Variants in EBF2 observed in about 807,000 individuals in gnomAD.
EBF2 encodes the protein transcription factor COE2.
In EBF2, 21 loss-of-function variants were observed where a neutral mutation model predicts 72.8. The observed-to-expected ratio is 0.29, with a 90% CI of 0.20 to 0.42. EBF2 has a LOEUF of 0.42. EBF2 is among the 10% of genes least tolerant of loss of function. The pLI, the probability that EBF2 is intolerant of heterozygous loss-of-function variation, is 1.00. For synonymous variants in EBF2, 299 were observed against 274.2 expected, an observed-to-expected ratio of 1.09 and a Z score of -0.89; for missense variants, 637 against 731.2, an observed-to-expected ratio of 0.87 and a Z score of 1.49.
intron 6 of EBF2, among the ~76,000 whole-genome samples, chr8:25,999,638 C>CTTTTTTTTTTT (rs201122059): frequency 7.0e-6 from 1 of 142,882 alleles, no homozygotes; most frequent in Non-Finnish European, 1.5e-5. Context: ...TGTCTTTCCT[C>CTTTTTTTTTTT]TTTTTTTTTT....
Position 25,844,459 on chromosome 8 carries a change from C to G in EBF2, c.*150G>C. Reference sequence around the variant, plus strand: ...ATCAGAGCTATAGGAGGACGTGGGACCAAGTAAGATGCTGGCTCCTTGCAG... The same window carrying G: ...ATCAGAGCTATAGGAGGACGTGGGAGCAAGTAAGATGCTGGCTCCTTGCAG... On this transcript the variant is annotated 3_prime_UTR_variant, in exon 16 of 16. Transcript: ENST00000520164. 1.3e-6 allele frequency: 1 copy of G among 793,252 alleles called. No individual in the cohort carries two copies. The highest frequency in any genetic ancestry group is 2.1e-6 in the Non-Finnish European group (1 of 480,536). 49.1% of individuals were successfully genotyped at this position (793,252 alleles called of 1,614,324 possible).
At chr8:25,911,006 T>C (rs1402976760) in intron 6 of EBF2, among the ~76,000 whole-genome samples, 1 of 152,170 alleles carries the variant, frequency 6.6e-6, no homozygotes, top group Admixed American at 6.6e-5. Flanking sequence ...CCATTTTTTT[T>C]TCCTCTTACT....
intron 15 of EBF2, 87 bp downstream of exon 15, chr8:25,850,507 C>T: frequency 1.4e-6 from 2 of 1,385,032 alleles, no homozygotes; most frequent in Non-Finnish European, 1.9e-6. Flanking sequence ...AGGTAAATGG[C>T]TGGAGCTATA....
At chr8:25,859,734 T>TTTTTTTTG (rs1183390975) in intron 13 of EBF2, among the ~76,000 whole-genome samples, 1 of 151,106 alleles carries the variant, frequency 6.6e-6, no homozygotes, top group African/African-American at 2.5e-5. Context: ...TTTTTTTTTT[T>TTTTTTTTG]GAGACAAGAT....
At chr8:25,951,870 A>G (rs544366402) in intron 6 of EBF2, among the ~76,000 whole-genome samples, 1 of 152,352 alleles carries the variant, frequency 6.6e-6, no homozygotes, top group East Asian at 1.9e-4. Flanking sequence ...ATGAACATTC[A>G]GAATTCGTCG....
intron 6 of EBF2, among the ~76,000 whole-genome samples, chr8:25,999,047 A>T (rs1804680349): frequency 6.6e-6 from 1 of 152,202 alleles, no homozygotes; most frequent in Non-Finnish European, 1.5e-5. Flanking sequence ...GAAAGAGAGA[A>T]ACTCAGGATC....
At position 26,040,075 on chromosome 8, in the gene EBF2, C is replaced by T; in HGVS notation, c.435G>A (p.Lys145=). 6.8e-6 allele frequency: 11 copies of T among 1,613,992 alleles called. No homozygotes were observed. The highest frequency in any genetic ancestry group is 9.3e-6 in the Non-Finnish European group (11 of 1,179,928). The change falls in exon 5 of 16, where the codon AAG becomes AAA. Residue 145 remains lysine, a synonymous_variant. Transcript: ENST00000520164. ...KQPIAYEGQN[K]NPEMCRVLLT... ...GGAGAACTCGGCACATTTCCGGATT[C>T]TTATTCTGTCCCTCGTAAGCGATGG...
intron 6 of EBF2, among the ~76,000 whole-genome samples, chr8:26,022,263 GA>G (rs554696005): frequency 2.6e-5 from 4 of 152,182 alleles, no homozygotes; most frequent in Non-Finnish European, 5.9e-5. Flanking sequence ...CAAAATTGTT[GA>G]TCTTCAATTG....
chr8:25,933,778 T>C (rs1285202749), intron 6 of EBF2, among the ~76,000 whole-genome samples: 8 of 152,084 alleles, frequency 5.3e-5, no homozygotes, highest in African/African-American at 1.9e-4. Flanking sequence ...CAAGAGATAG[T>C]CTAGTATAAA....
At chr8:25,958,279 A>G (rs1803980485) in intron 6 of EBF2, among the ~76,000 whole-genome samples, 2 of 152,212 alleles carry the variant, frequency 1.3e-5, no homozygotes, top group Non-Finnish European at 2.9e-5. Context: ...CGTGGTCTTA[A>G]TCTCTCCAAT....
At chr8:26,007,813 TACAC>T (rs762824229) in intron 6 of EBF2, among the ~76,000 whole-genome samples, 1 of 149,516 alleles carries the variant, frequency 6.7e-6, no homozygotes, top group South Asian at 2.1e-4. Context: ...CACACACACA[TACAC>T]ACACACACAC....
chr8:25,863,134 T>C (rs1231046566), intron 10 of EBF2, among the ~76,000 whole-genome samples: 1 of 151,802 alleles, frequency 6.6e-6, no homozygotes, highest in African/African-American at 2.4e-5. Flanking sequence ...TCCTTTCTCT[T>C]ATCTCTTTCT....
intron 6 of EBF2, among the ~76,000 whole-genome samples, chr8:25,950,095 C>T (rs1318453983): frequency 6.6e-6 from 1 of 152,228 alleles, no homozygotes; most frequent in Non-Finnish European, 1.5e-5. Flanking sequence ...CGAAGACCAG[C>T]TTCTATAAAC....
intron 6 of EBF2, among the ~76,000 whole-genome samples, chr8:25,922,865 T>A (rs937502273): frequency 6.6e-6 from 1 of 152,092 alleles, no homozygotes; most frequent in Non-Finnish European, 1.5e-5. Flanking sequence ...GAGACCATTT[T>A]ACTGACATGA....
intron 6 of EBF2, among the ~76,000 whole-genome samples, chr8:26,008,512 G>A (rs927248572): frequency 1.3e-5 from 2 of 152,062 alleles, no homozygotes; most frequent in African/African-American, 2.4e-5. Flanking sequence ...AGGACTCCAA[G>A]ATGTATTCAG....
chr8:25,951,617 G>C (rs1377816985), intron 6 of EBF2, among the ~76,000 whole-genome samples: 1 of 152,198 alleles, frequency 6.6e-6, no homozygotes, highest in African/African-American at 2.4e-5. Flanking sequence ...TGGGAAGGGA[G>C]AGAATACACA....
chr8:25,892,522 C>T (rs1802802318), intron 7 of EBF2, among the ~76,000 whole-genome samples: 2 of 152,226 alleles, frequency 1.3e-5, no homozygotes, highest in African/African-American at 4.8e-5. Flanking sequence ...TGTGTTCCCT[C>T]CCAGTCCATC....
intron 6 of EBF2, among the ~76,000 whole-genome samples, chr8:25,933,281 C>T (rs1468034866): frequency 6.6e-6 from 1 of 152,144 alleles, no homozygotes; most frequent in Non-Finnish European, 1.5e-5. Flanking sequence ...CAGCGCTGAG[C>T]TGTTGATGGT....
intron 13 of EBF2, among the ~76,000 whole-genome samples, 159 bp from the exon 14 acceptor site, chr8:25,858,663 T>C (rs1179982536): frequency 7.0e-6 from 1 of 143,216 alleles, no homozygotes; most frequent in Admixed American, 6.9e-5. Context: ...TTTTTTTTTT[T>C]TTTTTTTTTT....
Sources: allele counts gnomAD v4.1 joint callset (sites outside exome capture counted in the v4.1 genomes callset), GRCh38; gene constraint gnomAD v4.1.1; transcripts MANE v1.5; gene names NCBI Gene and HGNC (gene_info 2026-07-23, HGNC 2026-07-21).